Variants in PARN observed in about 807,000 individuals in gnomAD.
The protein encoded by PARN is poly(A)-specific ribonuclease PARN.
PARN carries 71 observed loss-of-function variants against 102.8 expected under a neutral mutation model. The ratio of observed to expected loss-of-function variants is 0.69; its 90% CI spans 0.57 to 0.84. PARN has a LOEUF of 0.84. Among genes scored for constraint, PARN ranks in the 40% least tolerant of loss-of-function variants. PARN has a pLI of 0.00. For synonymous variants in PARN, 261 were observed against 252.9 expected (o/e 1.03, Z -0.30); for missense variants, 782 against 760.9 (o/e 1.03, Z -0.33).
At chr16:14,510,458 G>A (rs1435234326) in intron 21 of PARN, among the ~76,000 whole-genome samples, 1 of 152,074 alleles carries the variant, frequency 6.6e-6, no homozygotes, top group African/African-American at 2.4e-5. Context: ...GAATAATTAA[G>A]TGCCTACACT....
At chr16:14,446,128 G>A (rs1337635537) in intron 23 of PARN, among the ~76,000 whole-genome samples, 3 of 152,228 alleles carry the variant, frequency 2.0e-5, no homozygotes, top group Non-Finnish European at 4.4e-5. Flanking sequence ...TCCATGTGCT[G>A]ACTGACAAGA....
chr16:14,477,772 C>T (rs1275768778), intron 22 of PARN, among the ~76,000 whole-genome samples: 1 of 150,732 alleles, frequency 6.6e-6, no homozygotes, highest in Non-Finnish European at 1.5e-5. Context: ...AGCGAGACTC[C>T]GTCGGAAAGG....
chr16:14,451,870 A>AAAC (rs1961468500), intron 22 of PARN, among the ~76,000 whole-genome samples: 1 of 16,954 alleles, frequency 5.9e-5, no homozygotes, highest in Non-Finnish European at 1.3e-4. Context: ...AAAAAAATAC[A>AAAC]AAAAAAAAAA....
intron 22 of PARN, among the ~76,000 whole-genome samples, chr16:14,451,886 A>C (rs1596442370): frequency 7.2e-6 from 1 of 138,748 alleles, no homozygotes; most frequent in Non-Finnish European, 1.5e-5. Flanking sequence ...AAAAAAAAAA[A>C]AAAAAATACA....
At chr16:14,619,387 C>G (rs1045697315) in intron 5 of PARN, among the ~76,000 whole-genome samples, 1 of 151,310 alleles carries the variant, frequency 6.6e-6, no homozygotes, top group African/African-American at 2.4e-5. Flanking sequence ...ATCGCTGGAG[C>G]CCAGGAGTTT....
At chr16:14,581,879 G>C (rs1698264692) in intron 17 of PARN, among the ~76,000 whole-genome samples, 1 of 152,210 alleles carries the variant, frequency 6.6e-6, no homozygotes, top group African/African-American at 2.4e-5. Context: ...CTTCCAGCCT[G>C]GGTGACAGAG....
At position 14,482,797 on chromosome 16, in the gene PARN, T is replaced by G. The variant is rs1181154287; in HGVS notation, c.1511A>C (p.Tyr504Ser). The G allele has an allele frequency of 6.2e-7, 1 of 1,612,020 alleles. No individual in the cohort carries two copies. Among genetic ancestry groups the G allele is most frequent in the Non-Finnish European group, 8.5e-7 (1 of 1,179,400 alleles). The change falls in exon 22 of 24, where the codon TAT (tyrosine) becomes TCT (serine). Residue 504 changes from tyrosine to serine, a missense_variant. Coordinates refer to ENST00000437198, the MANE Select transcript of PARN (RefSeq NM_002582.4). ...AVNTSKYAES[Y>S]RIQTYAEYMG... ...ATATTCAGCATAGGTTTGGATCCGA[T>G]AGCTTTCTGCATATTTGCTGGTATT...
chr16:14,444,446 C>T (rs1013578762), intron 23 of PARN, among the ~76,000 whole-genome samples: 3 of 151,862 alleles, frequency 2.0e-5, no homozygotes, highest in Non-Finnish European at 4.4e-5. Flanking sequence ...AAATTCAAAA[C>T]CCTAAATAAC....
chr16:14,538,084 A>G (rs12449224), intron 21 of PARN, among the ~76,000 whole-genome samples: 28,353 of 152,098 alleles, frequency 0.19, 3,090 homozygotes, highest in Middle Eastern at 0.29. Flanking sequence ...TGTGTCAACT[A>G]AAATTAAAGG....
At chr16:14,600,551 G>C (rs1323227058) in intron 11 of PARN, among the ~76,000 whole-genome samples, 4 of 152,060 alleles carry the variant, frequency 2.6e-5, no homozygotes, top group South Asian at 2.1e-4. Flanking sequence ...TCTCATCAAA[G>C]CTAACTTGCT....
At chr16:14,554,008 C>T in intron 20 of PARN, 57 bp downstream of exon 20, 1 of 1,059,086 alleles carries the variant, frequency 9.4e-7, no homozygotes, top group Non-Finnish European at 1.4e-6. Flanking sequence ...TACTTCTGAC[C>T]ACCTATACCA....
At chr16:14,519,411 T>A (rs530252974) in intron 21 of PARN, among the ~76,000 whole-genome samples, 1 of 151,166 alleles carries the variant, frequency 6.6e-6, no homozygotes, top group East Asian at 2.0e-4. Flanking sequence ...TCAGAAACAA[T>A]AACCAACCCA....
At chr16:14,530,565 T>A (rs1184514521) in intron 21 of PARN, among the ~76,000 whole-genome samples, 3 of 151,810 alleles carry the variant, frequency 2.0e-5, no homozygotes, top group Admixed American at 1.3e-4. Context: ...AACTATATTA[T>A]ATAAGACACA....
chr16:14,554,873 T>C (rs1967561828), intron 19 of PARN, among the ~76,000 whole-genome samples: 2 of 152,208 alleles, frequency 1.3e-5, no homozygotes, highest in Admixed American at 1.3e-4. Context: ...AATGGACTAA[T>C]TGTTAAGTAA....
intron 18 of PARN, among the ~76,000 whole-genome samples, chr16:14,568,187 G>A (rs1968546865): frequency 6.6e-6 from 1 of 151,026 alleles, no homozygotes; most frequent in African/African-American, 2.4e-5. Context: ...TCATCTCTAT[G>A]AAAAACTTTA....
intron 21 of PARN, among the ~76,000 whole-genome samples, chr16:14,497,240 A>G (rs767562125): frequency 2.2e-4 from 33 of 152,244 alleles, no homozygotes; most frequent in African/African-American, 1.4e-4. Context: ...CCTGAACTCT[A>G]TAACACAACA....
intron 22 of PARN, among the ~76,000 whole-genome samples, chr16:14,472,685 T>G (rs1231388583): frequency 1.3e-5 from 2 of 152,244 alleles, no homozygotes; most frequent in Non-Finnish European, 1.5e-5. Context: ...TTTAAAGTTC[T>G]GAGAGAAAAC....
chr16:14,529,973 T>C (rs1001769095), intron 21 of PARN, among the ~76,000 whole-genome samples: 11 of 144,526 alleles, frequency 7.6e-5, no homozygotes, highest in African/African-American at 2.2e-4. Context: ...GATTCCTTAA[T>C]CTCAGCTTCC....
chr16:14,474,316 T>C (rs1962920922), intron 22 of PARN, among the ~76,000 whole-genome samples: 1 of 152,208 alleles, frequency 6.6e-6, no homozygotes, highest in Non-Finnish European at 1.5e-5. Flanking sequence ...ATGATCTTTT[T>C]ATTTGACATG....
Sources: allele counts gnomAD v4.1 joint callset (sites outside exome capture counted in the v4.1 genomes callset), GRCh38; gene constraint gnomAD v4.1.1; transcripts MANE v1.5; gene names NCBI Gene and HGNC (gene_info 2026-07-23, HGNC 2026-07-21).